The following VAT1L variants were observed in gnomAD, a reference collection of about 807,000 sequenced individuals.
VAT1L encodes the protein vesicle amine transport 1 like, also known as putative NADPH-dependent quinone oxidoreductase VAT1L.
A neutral mutation model predicts 44.1 loss-of-function variants in VAT1L; 34 were observed. That is an observed-to-expected ratio of 0.77 (90% CI 0.59 to 1.03). The LOEUF is 1.03. Ranked by LOEUF, VAT1L falls within the 50% of genes least tolerant of loss-of-function variation. VAT1L has a pLI of 0.00. For synonymous variants in VAT1L, 253 were observed against 202.2 expected (o/e 1.25, Z -2.13); for missense variants, 615 against 538.8 (o/e 1.14, Z -1.40).
intron 3 of VAT1L, among the ~76,000 whole-genome samples, chr16:77,849,164 A>T (rs947798544): frequency 3.9e-5 from 6 of 152,194 alleles, no homozygotes; most frequent in African/African-American, 1.4e-4. Context: ...CATTCTGCAC[A>T]TGTATCCCAG....
At chr16:77,908,836 C>T (rs2017468566) in intron 7 of VAT1L, among the ~76,000 whole-genome samples, 3 of 151,838 alleles carry the variant, frequency 2.0e-5, no homozygotes, top group Admixed American at 1.3e-4. Flanking sequence ...ACGGCGTGAA[C>T]CCGGGAGGCG....
chr16:77,963,236 C>T (rs1432212957), intron 7 of VAT1L, among the ~76,000 whole-genome samples: 5 of 152,086 alleles, frequency 3.3e-5, no homozygotes, highest in African/African-American at 1.2e-4. Context: ...ACGGACTTTG[C>T]CGATGAGATT....
intron 7 of VAT1L, among the ~76,000 whole-genome samples, chr16:77,932,411 C>T (rs1218622029): frequency 6.6e-6 from 1 of 152,094 alleles, no homozygotes; most frequent in African/African-American, 2.4e-5. Flanking sequence ...AACCAAAATA[C>T]AGTAAATTTT....
Position 77,884,723 on chromosome 16 carries a change from G to T in VAT1L, c.998G>T (p.Gly333Val). The part of the protein sequence containing the change: ...FKQGRAGLIR[G>V]VVEKLIGLYN... ...CAAGGCCGGGCGGGCCTCATTCGGGGAGTGGTGGAAAAACTCATAGGGCTC... is the reference window on the plus strand; with the variant it reads ...CAAGGCCGGGCGGGCCTCATTCGGGTAGTGGTGGAAAAACTCATAGGGCTC... Residue 333 changes from glycine (G) to valine (V), a missense_variant, in exon 7 of 9, where the codon GGA (glycine) becomes GTA (valine). Physicochemically the swap from Gly to Val is moderately radical, Grantham distance 109. Coordinates refer to ENST00000302536, the MANE Select transcript of VAT1L (RefSeq NM_020927.3). This position sits in a 1 kb window ranked among gnomAD's most constrained non-coding sequence, Gnocchi z 4.5. The T allele has an allele frequency of 6.2e-7, 1 of 1,606,972 alleles. No homozygotes were observed. The highest frequency in any genetic ancestry group is 8.5e-7 in the Non-Finnish European group (1 of 1,176,710).
chr16:77,915,409 G>A (rs2017542083), intron 7 of VAT1L, among the ~76,000 whole-genome samples: 1 of 152,160 alleles, frequency 6.6e-6, no homozygotes, highest in African/African-American at 2.4e-5. Context: ...GCATGATCTT[G>A]ATACACAGAT....
chr16:77,952,733 C>T (rs192057930), intron 7 of VAT1L, among the ~76,000 whole-genome samples: 1 of 151,918 alleles, frequency 6.6e-6, no homozygotes, highest in East Asian at 2.0e-4. Context: ...TGGCTCATGC[C>T]TGTAGTCCCA....
intron 7 of VAT1L, among the ~76,000 whole-genome samples, chr16:77,950,263 G>T (rs908529744): frequency 8.5e-5 from 13 of 152,112 alleles, no homozygotes; most frequent in Admixed American, 2.6e-4. Flanking sequence ...ACAAAAATTA[G>T]CCAGGTGTGG....
chr16:77,796,430 C>G (rs1024836672), intron 1 of VAT1L, among the ~76,000 whole-genome samples: 18 of 152,148 alleles, frequency 1.2e-4, no homozygotes, highest in African/African-American at 4.3e-4. Flanking sequence ...TCCATGTTTT[C>G]TAGGAGAGGA....
chr16:77,836,968 T>C (rs1013044023), intron 3 of VAT1L, among the ~76,000 whole-genome samples: 2 of 152,188 alleles, frequency 1.3e-5, no homozygotes, highest in Non-Finnish European at 2.9e-5. Flanking sequence ...CTATCGCACC[T>C]CATTTTAACA....
chr16:77,799,293 T>C (rs2015997976), intron 1 of VAT1L, among the ~76,000 whole-genome samples: 1 of 143,682 alleles, frequency 7.0e-6, no homozygotes, highest in Admixed American at 7.0e-5. Context: ...TCTCTGTCTC[T>C]CTCCTTCCCT....
intron 7 of VAT1L, among the ~76,000 whole-genome samples, chr16:77,908,720 C>A (rs947950411): frequency 8.6e-5 from 13 of 151,934 alleles, no homozygotes; most frequent in African/African-American, 3.1e-4. Flanking sequence ...TTGAGACCAT[C>A]CTGGCTAACA....
chr16:77,846,926 G>C (rs2016763556), intron 3 of VAT1L, among the ~76,000 whole-genome samples: 1 of 152,138 alleles, frequency 6.6e-6, no homozygotes, highest in South Asian at 2.1e-4. Flanking sequence ...AACAGAATAA[G>C]CCAAATTATT....
chr16:77,952,718 C>T (rs566312841), intron 7 of VAT1L, among the ~76,000 whole-genome samples: 85 of 151,926 alleles, frequency 5.6e-4, no homozygotes, highest in African/African-American at 1.9e-3. Flanking sequence ...ATTAGCCAGG[C>T]GTGGTGGCTC....
At chr16:77,913,608 C>T (rs776787280) in intron 7 of VAT1L, among the ~76,000 whole-genome samples, 2 of 152,018 alleles carry the variant, frequency 1.3e-5, no homozygotes, top group East Asian at 1.9e-4. Flanking sequence ...TCTCCTTGAC[C>T]GCTTTATCTT....
chr16:77,910,806 C>G (rs1310637225), intron 7 of VAT1L, among the ~76,000 whole-genome samples: 2 of 152,030 alleles, frequency 1.3e-5, no homozygotes, highest in East Asian at 3.9e-4. Context: ...CTTCTCAAAA[C>G]TGTCAGTGCA....
At chr16:77,945,457 T>A (rs1167651582) in intron 7 of VAT1L, among the ~76,000 whole-genome samples, 6 of 151,800 alleles carry the variant, frequency 4.0e-5, no homozygotes, top group South Asian at 2.1e-4. Flanking sequence ...CATGTAATTT[T>A]TATATATATA....
At chr16:77,948,449 C>T (rs559221300) in intron 7 of VAT1L, among the ~76,000 whole-genome samples, 47 of 152,302 alleles carry the variant, frequency 3.1e-4, no homozygotes, top group African/African-American at 1.1e-3. Flanking sequence ...AATACGGTGT[C>T]ACAGTTGAGC....
chr16:77,892,325 C>A, intron 7 of VAT1L: 2 of 289,260 alleles, frequency 6.9e-6, no homozygotes, highest in Non-Finnish European at 1.3e-5. Context: ...TGGCATGGAC[C>A]CTCTTTAAAG....
At chr16:77,843,367 A>C (rs1179767889) in intron 3 of VAT1L, among the ~76,000 whole-genome samples, 3 of 152,158 alleles carry the variant, frequency 2.0e-5, no homozygotes, top group East Asian at 3.9e-4. Flanking sequence ...AGAGGTGGGC[A>C]CATTACTCCC....
Sources: gnomAD v4.1 joint callset for allele counts (sites outside exome capture counted in the v4.1 genomes callset) on GRCh38, gnomAD v4.1.1 for gene constraint, Gnocchi (gnomAD v3.1) non-coding constraint, MANE v1.5 for transcripts, NCBI Gene and HGNC (gene_info 2026-07-23, HGNC 2026-07-21) for gene names.